Variants in PTPRK observed in about 807,000 individuals in gnomAD.
PTPRK encodes the protein protein tyrosine phosphatase receptor type K.
PTPRK carries 75 observed loss-of-function variants against 178.0 expected under a neutral mutation model. The ratio of observed to expected loss-of-function variants is 0.42; its 90% CI spans 0.35 to 0.51. The LOEUF is 0.51. Among genes scored for constraint, PTPRK ranks in the 20% least tolerant of loss-of-function variants. The pLI, the probability that PTPRK is intolerant of heterozygous loss-of-function variation, is 0.02. For missense variants in PTPRK, 1,441 were observed against 1,797.8 expected (o/e 0.80, Z 3.59); for synonymous variants, 637 against 620.6 (o/e 1.03, Z -0.39).
chr6:128,330,981 G>T lies in PTPRK; in HGVS notation c.224-8671C>A, dbSNP rs1419105168. On this transcript the variant is annotated intron_variant, in intron 2 of 29. Coordinates refer to ENST00000368226, the MANE Select transcript of PTPRK (RefSeq NM_002844.4). ...GTTTGAAATGCTCTGTCCTCAGCTG[G>T]CTGATTTTCATCATTCATCTATTGG... 2.6e-5 allele frequency among the ~76,000 whole-genome samples: 4 copies of T among 152,138 alleles called. No homozygotes were observed. In the East Asian group the frequency reaches 7.7e-4, roughly 29 times the overall value.
chr6:128,363,668 G>C (rs17055782), intron 2 of PTPRK, among the ~76,000 whole-genome samples: 5,631 of 152,000 alleles, frequency 0.037, 374 homozygotes, highest in African/African-American at 0.13. Context: ...CTTTCATCTG[G>C]GAATCAGTTT....
intron 24 of PTPRK, among the ~76,000 whole-genome samples, chr6:127,981,502 C>T (rs1775335175): frequency 1.3e-5 from 2 of 152,134 alleles, no homozygotes; most frequent in African/African-American, 4.8e-5. Flanking sequence ...TTCAGGGCTC[C>T]TCTTCTTAAA....
rs138896800 is a variant in PTPRK, at chr6:128,365,071, T to C, written c.223+32495A>G. The stretch of plus-strand genomic sequence containing the variant: ...GTATCTGCATATATCTGAATAGATA[T>C]ATTTTGAAAATGGCAAAGAATGTCT... On this transcript the variant is annotated intron_variant, in intron 2 of 29. Coordinates refer to ENST00000368226, the MANE Select transcript of PTPRK (RefSeq NM_002844.4). Among the ~76,000 whole-genome samples the C allele has an allele frequency of 1.1e-3, 164 of 152,162 alleles. 1 individual carries two copies. The highest frequency in any genetic ancestry group is 3.8e-3 in the African/African-American group (158 of 41,548).
chr6:127,990,968 T>TTA (rs72554122), intron 20 of PTPRK, 83 bp from the exon 21 acceptor site: 1 of 789,624 alleles, frequency 1.3e-6, no homozygotes, highest in Non-Finnish European at 2.0e-6. Context: ...CAATAACTCC[T>TTA]TGTCACAATT....
At chr6:128,197,177 T>C (rs1041267753) in intron 6 of PTPRK, among the ~76,000 whole-genome samples, 10 of 32,598 alleles carry the variant, frequency 3.1e-4, no homozygotes, top group Non-Finnish European at 4.2e-4. Flanking sequence ...ATCTCTTTTG[T>C]TTTTTTCTTT....
chr6:128,040,677 T>C (rs946145338), intron 13 of PTPRK, among the ~76,000 whole-genome samples: 4 of 152,158 alleles, frequency 2.6e-5, no homozygotes, highest in Admixed American at 2.6e-4. Flanking sequence ...ATACTCATAC[T>C]GTAAGGCTCT....
chr6:128,295,428 AG>A (rs1460234806), intron 3 of PTPRK, among the ~76,000 whole-genome samples: 3 of 151,920 alleles, frequency 2.0e-5, no homozygotes, highest in Non-Finnish European at 4.4e-5. Context: ...GGTGCTAAGG[AG>A]GAAAAGGAGG....
At chr6:128,292,822 A>T (rs1250346440) in intron 3 of PTPRK, among the ~76,000 whole-genome samples, 1 of 152,118 alleles carries the variant, frequency 6.6e-6, no homozygotes. Context: ...TTTTCACCCC[A>T]TACAAGACAG....
intron 1 of PTPRK, among the ~76,000 whole-genome samples, chr6:128,475,795 G>C (rs1029360726): frequency 5.9e-5 from 9 of 151,990 alleles, no homozygotes; most frequent in African/African-American, 1.9e-4. Context: ...ATATTTATTT[G>C]AGAGCCATCA....
intron 6 of PTPRK, among the ~76,000 whole-genome samples, chr6:128,202,842 C>T (rs898253582): frequency 2.6e-5 from 4 of 152,106 alleles, no homozygotes; most frequent in Non-Finnish European, 5.9e-5. Context: ...AGAGCTGGTA[C>T]CATTTCTACG....
intron 1 of PTPRK, among the ~76,000 whole-genome samples, chr6:128,485,204 G>GT (rs1238744924): frequency 6.6e-6 from 1 of 152,096 alleles, no homozygotes; most frequent in Non-Finnish European, 1.5e-5. Context: ...CCCATAATCA[G>GT]TTTTAAAAAT....
chr6:128,345,160 T>C lies in PTPRK; in HGVS notation c.224-22850A>G, dbSNP rs538661896. On this transcript the variant is annotated intron_variant, in intron 2 of 29. Transcript: ENST00000368226. ...TTCCACTTATATATCATACATACATTCAAACATAAATTCATAGATACATGT... is the reference window on the plus strand; with the variant it reads ...TTCCACTTATATATCATACATACATCCAAACATAAATTCATAGATACATGT... Among the ~76,000 whole-genome samples, 13 of 152,154 alleles carry C rather than the reference T, an allele frequency of 8.5e-5. No homozygotes were observed. The East Asian group carries it at 2.3e-3, about 27-fold the overall frequency.
At chr6:128,286,895 A>G (rs1481089177) in intron 3 of PTPRK, among the ~76,000 whole-genome samples, 1 of 152,178 alleles carries the variant, frequency 6.6e-6, no homozygotes, top group East Asian at 1.9e-4. Context: ...TTTGTGTATT[A>G]TGAAGGTTTT....
chr6:128,049,035 C>A (rs958257958), intron 13 of PTPRK, among the ~76,000 whole-genome samples: 4 of 151,800 alleles, frequency 2.6e-5, no homozygotes, highest in Non-Finnish European at 4.4e-5. Flanking sequence ...AATCAGAAAT[C>A]AAAAAATGGC....
chr6:128,153,827 G>A (rs1797611637), intron 7 of PTPRK, among the ~76,000 whole-genome samples: 1 of 151,354 alleles, frequency 6.6e-6, no homozygotes, highest in Non-Finnish European at 1.5e-5. Flanking sequence ...ATTTTCCCAA[G>A]ACAAAATGGT....
At chr6:128,199,803 C>T (rs532831680) in intron 6 of PTPRK, among the ~76,000 whole-genome samples, 5 of 152,104 alleles carry the variant, frequency 3.3e-5, no homozygotes, top group African/African-American at 7.2e-5. Flanking sequence ...CAAACATGGG[C>T]GTCTATGTTT....
chr6:128,276,357 GA>G (rs1372321038), intron 3 of PTPRK, among the ~76,000 whole-genome samples: 6 of 152,036 alleles, frequency 3.9e-5, no homozygotes, highest in Non-Finnish European at 7.4e-5. Flanking sequence ...TTCTACTGCA[GA>G]TGTTTTGTAT....
At chr6:128,087,840 AGGG>A (rs1359241664) in intron 8 of PTPRK, among the ~76,000 whole-genome samples, 2 of 152,296 alleles carry the variant, frequency 1.3e-5, no homozygotes, top group East Asian at 3.9e-4. Context: ...ATGTGGTTAA[AGGG>A]CTCTCACTTC....
chr6:128,426,277 G>C (rs899828112), intron 1 of PTPRK, among the ~76,000 whole-genome samples: 1 of 152,092 alleles, frequency 6.6e-6, no homozygotes, highest in African/African-American at 2.4e-5. Context: ...TCTAGGCCTA[G>C]TTCAAATATC....
Sources: gnomAD v4.1 joint callset for allele counts (sites outside exome capture counted in the v4.1 genomes callset) on GRCh38, gnomAD v4.1.1 for gene constraint, MANE v1.5 for transcripts, NCBI Gene and HGNC (gene_info 2026-07-23, HGNC 2026-07-21) for gene names.